Variants in OXR1 observed in about 807,000 individuals in gnomAD.
OXR1 encodes oxidation resistance 1.
A neutral mutation model predicts 104.6 loss-of-function variants in OXR1; 41 were observed. The ratio of observed to expected loss-of-function variants is 0.39; its 90% CI spans 0.31 to 0.51. OXR1 has a LOEUF of 0.51. Ranked by LOEUF, OXR1 falls within the 20% of genes least tolerant of loss-of-function variation. The pLI is 0.77. For synonymous variants in OXR1, 348 were observed against 348.4 expected, an observed-to-expected ratio of 1.00 and a Z score of 0.01; for missense variants, 955 against 1,031.9, an observed-to-expected ratio of 0.93 and a Z score of 1.02.
chr8:106,680,673 A>G (rs966681900), intron 4 of OXR1, among the ~76,000 whole-genome samples: 1 of 152,042 alleles, frequency 6.6e-6, no homozygotes, highest in Non-Finnish European at 1.5e-5. Context: ...TTTTCTATTG[A>G]CATTCTATTA....
chr8:106,301,054 T>C (rs541856602), intron 1 of OXR1, among the ~76,000 whole-genome samples: 1 of 152,158 alleles, frequency 6.6e-6, no homozygotes, highest in South Asian at 2.1e-4. Flanking sequence ...AAAATGTAAG[T>C]GATAAAACGC....
intron 3 of OXR1, among the ~76,000 whole-genome samples, chr8:106,656,744 G>A (rs1825123846): frequency 6.7e-6 from 1 of 148,706 alleles, no homozygotes; most frequent in Admixed American, 6.8e-5. Context: ...GCTGATATTA[G>A]AATGGTGAAA....
chr8:106,504,336 G>T (rs965915212), intron 2 of OXR1, among the ~76,000 whole-genome samples: 1 of 152,182 alleles, frequency 6.6e-6, no homozygotes, highest in Non-Finnish European at 1.5e-5. Context: ...TTGTGATGTA[G>T]AGCAACTAAG....
intron 1 of OXR1, among the ~76,000 whole-genome samples, chr8:106,334,745 C>A (rs983752905): frequency 6.6e-6 from 1 of 152,124 alleles, no homozygotes; most frequent in Non-Finnish European, 1.5e-5. Context: ...CAGCTATTTT[C>A]ATTTTTGCTG....
chr8:106,427,771 T>G (rs975202058), intron 2 of OXR1, among the ~76,000 whole-genome samples: 1 of 152,326 alleles, frequency 6.6e-6, no homozygotes, highest in East Asian at 1.9e-4. Flanking sequence ...AGGCTAGTGA[T>G]AAATCAATAT....
At chr8:106,458,837 T>A (rs954403149) in intron 2 of OXR1, among the ~76,000 whole-genome samples, 5 of 152,216 alleles carry the variant, frequency 3.3e-5, no homozygotes, top group Admixed American at 6.5e-5. Context: ...TCTTGCTTAG[T>A]CCTCCCTTTT....
At chr8:106,589,807 C>T (rs1221853314) in intron 3 of OXR1, among the ~76,000 whole-genome samples, 10 of 152,142 alleles carry the variant, frequency 6.6e-5, no homozygotes, top group Non-Finnish European at 2.9e-5. Flanking sequence ...GCTGGGATTA[C>T]AGACATATGC....
chr8:106,726,193 GA>G (rs1322458286), intron 11 of OXR1: 1 of 1,497,260 alleles, frequency 6.7e-7, no homozygotes, highest in Non-Finnish European at 8.8e-7. Flanking sequence ...GAATGCTTTT[GA>G]AAACAGTTCT....
At chr8:106,538,786 C>T (rs1563590407) in intron 3 of OXR1, among the ~76,000 whole-genome samples, 1 of 151,744 alleles carries the variant, frequency 6.6e-6, no homozygotes, top group Non-Finnish European at 1.5e-5. Context: ...TGCAGTAAAA[C>T]AAAGTTAAAG....
At chr8:106,744,778 TA>T (rs1835240976) in intron 15 of OXR1, among the ~76,000 whole-genome samples, 1 of 152,216 alleles carries the variant, frequency 6.6e-6, no homozygotes, top group Non-Finnish European at 1.5e-5. Flanking sequence ...GTGTGGCATG[TA>T]AAACCTTCAT....
chr8:106,740,284 G>GTA (rs1834810776), intron 13 of OXR1, 59 bp from the exon 14 acceptor site: 5 of 1,326,160 alleles, frequency 3.8e-6, no homozygotes, highest in Non-Finnish European at 5.3e-6. Flanking sequence ...GCTGGCATTA[G>GTA]TATTCTACAT....
At chr8:106,525,739 C>T (rs1161883916) in intron 3 of OXR1, among the ~76,000 whole-genome samples, 1 of 152,158 alleles carries the variant, frequency 6.6e-6, no homozygotes, top group Non-Finnish European at 1.5e-5. Context: ...AAATCTCTCC[C>T]TCTCAGTTTC....
chr8:106,416,932 T>C (rs1484684021), intron 2 of OXR1, among the ~76,000 whole-genome samples: 3 of 152,126 alleles, frequency 2.0e-5, no homozygotes, highest in African/African-American at 7.2e-5. Flanking sequence ...GTGAGATGGA[T>C]GGGGCCTTGA....
chr8:106,481,840 T>C (rs1822138225), intron 2 of OXR1, among the ~76,000 whole-genome samples: 1 of 152,074 alleles, frequency 6.6e-6, no homozygotes, highest in South Asian at 2.1e-4. Flanking sequence ...TGTAGCATCT[T>C]CCACCTAATA....
At chr8:106,358,282 T>C (rs1816068184) in intron 1 of OXR1, among the ~76,000 whole-genome samples, 1 of 152,164 alleles carries the variant, frequency 6.6e-6, no homozygotes, top group African/African-American at 2.4e-5. Flanking sequence ...GAGATTTATT[T>C]GTATGAAAGA....
chr8:106,653,969 C>A (rs1284273706), intron 3 of OXR1, among the ~76,000 whole-genome samples: 3 of 151,870 alleles, frequency 2.0e-5, no homozygotes, highest in Non-Finnish European at 4.4e-5. Flanking sequence ...AATCTATTCA[C>A]AATATCAACA....
intron 2 of OXR1, among the ~76,000 whole-genome samples, chr8:106,448,586 T>G (rs1198478587): frequency 6.6e-6 from 1 of 152,174 alleles, no homozygotes; most frequent in African/African-American, 2.4e-5. Flanking sequence ...TATATTATTC[T>G]GTGAATAATA....
chr8:106,731,632 T>C (rs1287501522), intron 11 of OXR1, among the ~76,000 whole-genome samples: 3 of 152,162 alleles, frequency 2.0e-5, no homozygotes, highest in African/African-American at 7.2e-5. Context: ...TCCAATACTA[T>C]TGGGGTAAAG....
chr8:106,550,052 T>A (rs139859302), intron 3 of OXR1, among the ~76,000 whole-genome samples: 72 of 152,342 alleles, frequency 4.7e-4, no homozygotes, highest in Middle Eastern at 3.4e-3. Flanking sequence ...GTGAGGCAGA[T>A]GCTATTGTAA....
Sources: gnomAD v4.1 joint callset for allele counts (sites outside exome capture counted in the v4.1 genomes callset) on GRCh38, gnomAD v4.1.1 for gene constraint, MANE v1.5 for transcripts, NCBI Gene and HGNC (gene_info 2026-07-23, HGNC 2026-07-21) for gene names.